The following TENM3 variants were observed in gnomAD, a reference collection of about 807,000 sequenced individuals.
TENM3 encodes teneurin-3.
Under a neutral mutation model 255.1 loss-of-function variants are expected in TENM3, and 63 were observed. That is an observed-to-expected ratio of 0.25 (90% CI 0.20 to 0.30). TENM3 has a LOEUF of 0.30. TENM3 is among the 10% of genes least tolerant of loss of function. TENM3 has a pLI of 1.00. For missense variants in TENM3, 2,929 were observed against 3,461.1 expected (o/e 0.85, Z 3.86); for synonymous variants, 1,306 against 1,322.3 (o/e 0.99, Z 0.27).
chr4:181,675,124 GTA>G, the TENM3 span, among the ~76,000 whole-genome samples: 1 of 152,020 alleles, frequency 6.6e-6, no homozygotes, highest in Non-Finnish European at 1.5e-5. Context: ...CTGAATCCGG[GTA>G]TATTAGAATT....
the TENM3 span, among the ~76,000 whole-genome samples, chr4:181,757,211 AC>A: frequency 6.6e-6 from 1 of 152,154 alleles, no homozygotes; most frequent in East Asian, 1.9e-4. Context: ...CACAATACAC[AC>A]TTTTCACTAG....
At chr4:182,141,974 A>C (rs1749467692), upstream of TENM3, 1 of 152,218 alleles carries the variant, frequency 6.6e-6, no homozygotes, top group African/African-American at 2.4e-5. Context: ...AAAGTTTTAA[A>C]GACCTAATAC....
At chr4:182,177,235 C>A (rs1207443358) in intron 1 of TENM3, among the ~76,000 whole-genome samples, 1 of 152,066 alleles carries the variant, frequency 6.6e-6, no homozygotes, top group Non-Finnish European at 1.5e-5. Context: ...ATTCAGACAC[C>A]AAGACCCAAT....
chr4:181,838,886 TTTA>T, the TENM3 span, among the ~76,000 whole-genome samples: 1 of 151,954 alleles, frequency 6.6e-6, no homozygotes, highest in Non-Finnish European at 1.5e-5. Flanking sequence ...ACTTCTGCTC[TTTA>T]TTGTCTGTGT....
the TENM3 span, among the ~76,000 whole-genome samples, chr4:181,653,015 C>G: frequency 1.2e-3 from 186 of 152,258 alleles, 1 homozygote; most frequent in African/African-American, 4.3e-3. Flanking sequence ...TAGCATACAG[C>G]ACAATATGTA....
At chr4:182,556,711 A>G (rs1281511255) in intron 3 of TENM3, among the ~76,000 whole-genome samples, 14 of 152,164 alleles carry the variant, frequency 9.2e-5, no homozygotes, top group Non-Finnish European at 2.1e-4. Context: ...GAGGGCACCC[A>G]CGTTGCATTA....
chr4:182,177,961 T>TTG (rs1489668806), intron 1 of TENM3, among the ~76,000 whole-genome samples: 9 of 135,362 alleles, frequency 6.6e-5, no homozygotes, highest in Non-Finnish European at 1.5e-4. Flanking sequence ...GGTTTTTGTT[T>TTG]TTTTTTTTTT....
At chr4:182,671,905 G>A (rs1490435482) in intron 6 of TENM3, among the ~76,000 whole-genome samples, 2 of 151,814 alleles carry the variant, frequency 1.3e-5, no homozygotes, top group South Asian at 2.1e-4. Context: ...TTTAAGAGAC[G>A]AGGTCTCACT....
chr4:181,661,681 C>T, the TENM3 span, among the ~76,000 whole-genome samples: 1 of 151,958 alleles, frequency 6.6e-6, no homozygotes, highest in Non-Finnish European at 1.5e-5. Context: ...TATGGTTATC[C>T]TGGGAGGTGC....
At chr4:182,603,765 T>TTTTATG (rs778280837) in intron 4 of TENM3, among the ~76,000 whole-genome samples, 1 of 95,504 alleles carries the variant, frequency 1.0e-5, no homozygotes, top group Non-Finnish European at 2.4e-5. Context: ...TGGCAATTAT[T>TTTTATG]TATATATATA....
intron 3 of TENM3, 56 bp from the exon 4 acceptor site, chr4:182,600,868 C>T (rs868185307): frequency 3.7e-5 from 23 of 628,804 alleles, no homozygotes; most frequent in Admixed American, 1.0e-4. Context: ...TGTGTATATA[C>T]ATATATATAT....
chr4:181,530,315 T>C, the TENM3 span, among the ~76,000 whole-genome samples: 2 of 152,210 alleles, frequency 1.3e-5, no homozygotes, highest in African/African-American at 4.8e-5. Flanking sequence ...AGGGAACTTA[T>C]TTCAAGTAAT....
At chr4:181,496,858 C>T in the TENM3 span, among the ~76,000 whole-genome samples, 2 of 152,170 alleles carry the variant, frequency 1.3e-5, no homozygotes, top group African/African-American at 4.8e-5. Flanking sequence ...TTAATTGTAT[C>T]TGGATAATCA....
At chr4:181,893,696 T>C in the TENM3 span, among the ~76,000 whole-genome samples, 1 of 152,142 alleles carries the variant, frequency 6.6e-6, no homozygotes, top group Non-Finnish European at 1.5e-5. Flanking sequence ...ATGCTTTTGT[T>C]AGTATTTGGT....
intron 10 of TENM3, among the ~76,000 whole-genome samples, chr4:182,681,117 T>C (rs1372060854): frequency 1.3e-5 from 2 of 152,326 alleles, no homozygotes; most frequent in Middle Eastern, 3.4e-3. Flanking sequence ...CATAATATGC[T>C]ACCTAAAAGA....
chr4:182,505,031 C>G (rs1736679184), intron 3 of TENM3, among the ~76,000 whole-genome samples: 1 of 152,052 alleles, frequency 6.6e-6, no homozygotes, highest in Admixed American at 6.6e-5. Flanking sequence ...TTTATTACAT[C>G]ATAATACTTA....
chr4:182,624,995 A>C lies in TENM3; in HGVS notation c.750-3656A>C, dbSNP rs564004654. On this transcript the variant is annotated intron_variant, in intron 4 of 27. Transcript: ENST00000511685. ...GTCAAGTAGTAACGTCTGAGCTGAG[A>C]TTTGGAGGATGAAGGCTGAAAATAC... Among the ~76,000 whole-genome samples, 7 of 152,316 alleles carry C rather than the reference A, an allele frequency of 4.6e-5. No homozygotes were observed. In the East Asian group the frequency reaches 1.4e-3, roughly 29 times the overall value.
the TENM3 span, among the ~76,000 whole-genome samples, chr4:181,731,487 G>A: frequency 3.3e-5 from 5 of 152,146 alleles, no homozygotes; most frequent in South Asian, 8.3e-4. Flanking sequence ...GAGTAGCTGG[G>A]ATTATAGGCA....
the TENM3 span, among the ~76,000 whole-genome samples, chr4:181,482,769 C>T: frequency 1.3e-3 from 201 of 152,188 alleles, no homozygotes; most frequent in Non-Finnish European, 1.1e-3. Context: ...ACCGACCTTT[C>T]GTTTTATATG....
Sources: gnomAD v4.1 joint callset for allele counts (sites outside exome capture counted in the v4.1 genomes callset) on GRCh38, gnomAD v4.1.1 for gene constraint, MANE v1.5 for transcripts, NCBI Gene and HGNC (gene_info 2026-07-23, HGNC 2026-07-21) for gene names.